The following CREB5 variants were observed in gnomAD, a reference collection of about 807,000 sequenced individuals.
CREB5 encodes cAMP responsive element binding protein 5, also known as cyclic AMP-responsive element-binding protein 5.
Under a neutral mutation model 57.1 loss-of-function variants are expected in CREB5, and 19 were observed. That is an observed-to-expected ratio of 0.33 (90% CI 0.23 to 0.49). The LOEUF (loss-of-function observed/expected upper bound fraction) is 0.49, where lower values mean the gene tolerates loss of function less well. Among genes scored for constraint, CREB5 ranks in the 20% least tolerant of loss-of-function variants. The pLI is 0.99. For missense variants in CREB5, 579 were observed against 671.6 expected (o/e 0.86, Z 1.52); for synonymous variants, 238 against 238.3 (o/e 1.00, Z 0.01).
At chr7:28,355,625 C>A (rs566214808) in intron 1 of CREB5, among the ~76,000 whole-genome samples, 32 of 152,200 alleles carry the variant, frequency 2.1e-4, no homozygotes, top group Non-Finnish European at 3.7e-4. Context: ...TAAAAATGCT[C>A]CCCCTGCCAC....
chr7:28,489,174 G>T (rs943556366), intron 2 of CREB5, among the ~76,000 whole-genome samples: 2 of 152,112 alleles, frequency 1.3e-5, no homozygotes, highest in African/African-American at 4.8e-5. Context: ...TTTCAGGTGT[G>T]GCGAGTTACA....
rs142704875 is a variant in CREB5, at chr7:28,478,322, G to C, written c.4-9853G>C. Among the ~76,000 whole-genome samples, 6 of 151,804 alleles carry C rather than the reference G, an allele frequency of 4.0e-5. No homozygotes were observed. In the East Asian group the frequency reaches 1.2e-3, roughly 29 times the overall value. ...TTGAGCTTGTTTATCAGGATGAAAGGATCCCTGTAAAGTGTGTGAATATAT... is the reference window on the plus strand; with the variant it reads ...TTGAGCTTGTTTATCAGGATGAAAGCATCCCTGTAAAGTGTGTGAATATAT... On this transcript the variant is annotated intron_variant, in intron 1 of 10. Transcript: ENST00000357727.
intron 1 of CREB5, among the ~76,000 whole-genome samples, chr7:28,445,679 G>A (rs1307961748): frequency 1.3e-5 from 2 of 151,986 alleles, no homozygotes; most frequent in Non-Finnish European, 2.9e-5. Context: ...AGCCTCCCGA[G>A]TAGCTGGGAC....
chr7:28,379,064 T>G (rs902556241), intron 1 of CREB5, among the ~76,000 whole-genome samples: 2 of 152,222 alleles, frequency 1.3e-5, no homozygotes, highest in Non-Finnish European at 2.9e-5. Context: ...GGCCACAGTT[T>G]CTGGCATCTA....
intron 1 of CREB5, among the ~76,000 whole-genome samples, chr7:28,316,463 A>G (rs1195279668): frequency 1.3e-5 from 2 of 152,160 alleles, no homozygotes; most frequent in Admixed American, 1.3e-4. Flanking sequence ...AGAGGAAAAA[A>G]AGAAAGAGAC....
At chr7:28,570,812 T>C (rs913422059) in intron 5 of CREB5, among the ~76,000 whole-genome samples, 4 of 152,070 alleles carry the variant, frequency 2.6e-5, no homozygotes, top group African/African-American at 9.7e-5. Flanking sequence ...TTAAGATGAC[T>C]GTGGGAAAAC....
chr7:28,794,972 A>T (rs1807943286), intron 7 of CREB5, among the ~76,000 whole-genome samples: 1 of 152,178 alleles, frequency 6.6e-6, no homozygotes, highest in Non-Finnish European at 1.5e-5. Context: ...CTAGAGAAAA[A>T]TCCAACACTA....
intron 4 of CREB5, among the ~76,000 whole-genome samples, chr7:28,564,547 T>C (rs1795407790): frequency 6.6e-6 from 1 of 152,212 alleles, no homozygotes; most frequent in Non-Finnish European, 1.5e-5. Context: ...TCAAGACTCA[T>C]TATTCTCCTG....
chr7:28,541,017 G>GT (rs1267648807), intron 4 of CREB5, among the ~76,000 whole-genome samples: 6 of 152,166 alleles, frequency 3.9e-5, no homozygotes, highest in African/African-American at 1.4e-4. Context: ...AACATCAGAC[G>GT]TATTTCCAAA....
At chr7:28,454,613 G>T (rs1790008667) in intron 1 of CREB5, among the ~76,000 whole-genome samples, 1 of 152,142 alleles carries the variant, frequency 6.6e-6, no homozygotes. Flanking sequence ...TGATAGGTCT[G>T]CCCTCGCTCC....
At chr7:28,762,797 TG>T (rs1186832943) in intron 7 of CREB5, among the ~76,000 whole-genome samples, 7 of 151,820 alleles carry the variant, frequency 4.6e-5, no homozygotes, top group African/African-American at 1.7e-4. Context: ...TGAGAGAAAG[TG>T]CATTTCTTTT....
chr7:28,759,159 T>TA (rs1185726818), intron 7 of CREB5, among the ~76,000 whole-genome samples: 1 of 152,140 alleles, frequency 6.6e-6, no homozygotes, highest in Non-Finnish European at 1.5e-5. Context: ...AACAAGTAAA[T>TA]AAAGATTAAT....
rs75786770 is a variant in CREB5 at position 28,426,163 on chromosome 7, C to T, written c.3+13246C>T. On this transcript the variant is annotated intron_variant, in intron 1 of 10. Coordinates refer to ENST00000357727, the MANE Select transcript of CREB5 (RefSeq NM_182898.4). Reference sequence around the variant, plus strand: ...ATTTATTGAGTCTTTAGTGAGACTCCTCTCTTGCTCTACTATGTCAACCTT... The same window carrying T: ...ATTTATTGAGTCTTTAGTGAGACTCTTCTCTTGCTCTACTATGTCAACCTT... Among the ~76,000 whole-genome samples the T allele has an allele frequency of 3.6e-3, 548 of 152,286 alleles. 14 individuals carry two copies. In the East Asian group the frequency reaches 0.062, roughly 17 times the overall value.
intron 5 of CREB5, among the ~76,000 whole-genome samples, chr7:28,661,910 C>A (rs1799625103): frequency 6.6e-6 from 1 of 152,198 alleles, no homozygotes; most frequent in African/African-American, 2.4e-5. Context: ...AATCTGCAAA[C>A]ACACCAGCTG....
intron 1 of CREB5, among the ~76,000 whole-genome samples, chr7:28,335,472 A>G (rs1218137239): frequency 2.0e-5 from 3 of 152,008 alleles, no homozygotes. Context: ...AAATGGGATT[A>G]CTTTTTAAAT....
At chr7:28,479,058 A>G (rs1255600954) in intron 1 of CREB5, among the ~76,000 whole-genome samples, 1 of 152,116 alleles carries the variant, frequency 6.6e-6, no homozygotes, top group African/African-American at 2.4e-5. Flanking sequence ...AGAGGTGGGG[A>G]CGCACTTAGT....
chr7:28,718,630 C>A, intron 5 of CREB5, 123 bp from the exon 6 acceptor site: 1 of 1,303,266 alleles, frequency 7.7e-7, no homozygotes, highest in Non-Finnish European at 1.0e-6. Context: ...AATTATGTGA[C>A]TCTCCCATCA....
intron 4 of CREB5, among the ~76,000 whole-genome samples, chr7:28,516,397 C>G (rs1792956478): frequency 6.6e-6 from 1 of 152,130 alleles, no homozygotes; most frequent in Admixed American, 6.6e-5. Flanking sequence ...CTGTATTTTA[C>G]TACAGCAACA....
chr7:28,614,038 G>T (rs1009043933), intron 5 of CREB5, among the ~76,000 whole-genome samples: 1 of 152,068 alleles, frequency 6.6e-6, no homozygotes, highest in Non-Finnish European at 1.5e-5. Context: ...AGCTCACTGC[G>T]GTCTTTGAAC....
Sources: allele counts gnomAD v4.1 joint callset (sites outside exome capture counted in the v4.1 genomes callset), GRCh38; gene constraint gnomAD v4.1.1; transcripts MANE v1.5; gene names NCBI Gene and HGNC (gene_info 2026-07-23, HGNC 2026-07-21).